LAMB1: variants seen among roughly 807,000 people sequenced by gnomAD.
LAMB1 encodes laminin subunit beta 1.
In LAMB1, 121 loss-of-function variants were observed where a neutral mutation model predicts 222.3. That is an observed-to-expected ratio of 0.54 (90% confidence interval 0.47 to 0.63). The LOEUF is 0.63. Ranked by LOEUF, LAMB1 falls within the 30% of genes least tolerant of loss-of-function variation. LAMB1 has a pLI of 0.00. For synonymous variants in LAMB1, 794 were observed against 807.2 expected, an observed-to-expected ratio of 0.98 and a Z score of 0.28; for missense variants, 2,172 against 2,240.8, an observed-to-expected ratio of 0.97 and a Z score of 0.62.
Position 107,998,512 on chromosome 7 carries a change from C to T in LAMB1, c.214-20G>A, listed in dbSNP as rs2034322527. On this transcript the variant is annotated intron_variant, in intron 3 of 33. Coordinates refer to ENST00000222399, the MANE Select transcript of LAMB1 (RefSeq NM_002291.3). ...GTCCTCCTACAAACAAAGTTGAGTT[C>T]ATCAGTCTAGAAAGCAATCTCATTA... is the stretch of plus-strand genomic sequence containing the variant. The T allele has an allele frequency of 1.9e-6, 3 of 1,609,654 alleles. No individual in the cohort carries two copies. Among genetic ancestry groups the T allele is most frequent in the Non-Finnish European group, 2.5e-6 (3 of 1,177,400 alleles).
At chr7:107,978,213 A>G in intron 8 of LAMB1, 46 bp from the exon 9 acceptor site, 1 of 1,596,342 alleles carries the variant, frequency 6.3e-7, no homozygotes, top group Middle Eastern at 1.7e-4. Context: ...GAGATGTATG[A>G]ATAGCCACGT....
intron 13 of LAMB1, among the ~76,000 whole-genome samples, chr7:107,965,167 T>C (rs2033605603): frequency 6.6e-6 from 1 of 152,160 alleles, no homozygotes; most frequent in Non-Finnish European, 1.5e-5. Context: ...AGTCAGAAAT[T>C]TAGTCCCCGT....
intron 5 of LAMB1, among the ~76,000 whole-genome samples, chr7:107,993,431 G>A (rs1470373473): frequency 6.6e-6 from 1 of 152,114 alleles, no homozygotes; most frequent in Admixed American, 6.6e-5. Context: ...ACCACGCCTG[G>A]CCCCAACTTG....
intron 2 of LAMB1, chr7:108,002,298 A>G: frequency 7.6e-7 from 1 of 1,311,036 alleles, no homozygotes; most frequent in Non-Finnish European, 1.0e-6. Context: ...CGCTTTCCGG[A>G]GCTAGGGGAG....
At chr7:107,957,064 C>T (rs2033392408) in intron 20 of LAMB1, among the ~76,000 whole-genome samples, 1 of 152,202 alleles carries the variant, frequency 6.6e-6, no homozygotes. Context: ...TGGAGACAAT[C>T]TCATCCAACC....
At chr7:107,978,468 AAAAACT>A (rs1021221797) in intron 8 of LAMB1, among the ~76,000 whole-genome samples, 25 of 151,470 alleles carry the variant, frequency 1.7e-4, no homozygotes, top group Non-Finnish European at 2.7e-4. Flanking sequence ...AAAAAAAAAA[AAAAACT>A]AGTTACTTAA....
At chr7:107,927,947 A>G (rs950230723) in intron 31 of LAMB1, among the ~76,000 whole-genome samples, 15 of 152,224 alleles carry the variant, frequency 9.9e-5, no homozygotes, top group African/African-American at 3.4e-4. Flanking sequence ...TGGCCTGAGA[A>G]GGCTGACAAT....
intron 3 of LAMB1, among the ~76,000 whole-genome samples, chr7:107,999,204 A>T (rs569822952): frequency 2.6e-5 from 4 of 152,232 alleles, no homozygotes; most frequent in African/African-American, 9.6e-5. Flanking sequence ...TTAGCTTTGA[A>T]TTTCTCTTAC....
intron 23 of LAMB1, 82 bp downstream of exon 23, chr7:107,951,925 GGT>G: frequency 8.7e-7 from 1 of 1,154,212 alleles, no homozygotes; most frequent in South Asian, 1.5e-5. Flanking sequence ...TGTGTGCCCT[GGT>G]GCCTTGCTCT....
At chr7:107,930,745 A>C (rs984689952) in intron 29 of LAMB1, among the ~76,000 whole-genome samples, 6 of 152,222 alleles carry the variant, frequency 3.9e-5, no homozygotes, top group African/African-American at 1.4e-4. Flanking sequence ...CCTTGTAACC[A>C]TGAGGAGCTA....
At chr7:107,975,507 A>C in intron 10 of LAMB1, 94 bp from the exon 11 acceptor site, 2 of 1,328,444 alleles carry the variant, frequency 1.5e-6, no homozygotes, top group Non-Finnish European at 2.0e-6. Flanking sequence ...TCTAAATCTC[A>C]CAAAAGTCGA....
chr7:107,929,277 A>T, intron 30 of LAMB1, 72 bp from the exon 31 acceptor site: 2 of 1,569,308 alleles, frequency 1.3e-6, no homozygotes, highest in Non-Finnish European at 1.8e-6. Flanking sequence ...TCTTTTCTTT[A>T]AAGAATAGCC....
At chr7:107,975,160 G>A (rs2033826277) in intron 11 of LAMB1, 62 bp from the exon 12 acceptor site, 2 of 1,555,574 alleles carry the variant, frequency 1.3e-6, no homozygotes, top group Non-Finnish European at 1.8e-6. Flanking sequence ...TAATAATCTG[G>A]CTTTGGAATT....
chr7:107,959,501 G>A, intron 19 of LAMB1, 21 bp from the exon 20 acceptor site: 10 of 1,613,196 alleles, frequency 6.2e-6, no homozygotes, highest in Non-Finnish European at 8.5e-6. Context: ...AGGCAAACAA[G>A]GAACTGCCTT....
chr7:107,983,033 A>T (rs1212884729), intron 7 of LAMB1, among the ~76,000 whole-genome samples: 2 of 152,200 alleles, frequency 1.3e-5, no homozygotes, highest in African/African-American at 2.4e-5. Context: ...GCCCTTGTGG[A>T]CGTTTTTCAT....
At chr7:107,926,450 G>A in intron 31 of LAMB1, 91 bp from the exon 32 acceptor site, 1 of 1,081,278 alleles carries the variant, frequency 9.2e-7, no homozygotes, top group Non-Finnish European at 1.3e-6. Context: ...AAAGTCTGCT[G>A]TGCCATTTTG....
At chr7:107,930,928 C>T (rs1230820666) in intron 29 of LAMB1, among the ~76,000 whole-genome samples, 2 of 152,136 alleles carry the variant, frequency 1.3e-5, no homozygotes, top group African/African-American at 4.8e-5. Context: ...GCAGCCAAAA[C>T]CATCTTTACT....
In LAMB1 at chr7:107,952,103, C is replaced by T. The variant is rs549235917; in HGVS notation, c.3200G>A (p.Arg1067His). The change falls in exon 23 of 34, where the codon CGC becomes CAC. Residue 1067 changes from arginine (R) to histidine (H), a missense_variant. Arg to His is a conservative substitution (Grantham distance 29). Transcript: ENST00000222399. ...CAGCTGCCAGGTATTGGGCGCACAG[C>T]GGTCACAGTTCTGCCCGATCACATT... is the stretch of plus-strand genomic sequence containing the variant. ...LPNVIGQNCDRCAPNTWQLAS... is the reference protein window; with the variant it reads ...LPNVIGQNCDHCAPNTWQLAS... 1.5e-5 allele frequency: 25 copies of T among 1,614,028 alleles called. No homozygotes were observed. Among genetic ancestry groups the T allele is most frequent in the South Asian group, 7.7e-5 (7 of 91,026 alleles).
chr7:107,959,646 G>A, intron 19 of LAMB1, 45 bp downstream of exon 19: 2 of 1,614,204 alleles, frequency 1.2e-6, no homozygotes. Context: ...CACAATGGCT[G>A]AGTTAATCTG....
Sources: allele counts gnomAD v4.1 joint callset (sites outside exome capture counted in the v4.1 genomes callset), GRCh38; gene constraint gnomAD v4.1.1; transcripts MANE v1.5; gene names NCBI Gene and HGNC (gene_info 2026-07-23, HGNC 2026-07-21).